Variants in FMNL2 observed in about 807,000 individuals in gnomAD.
The protein encoded by FMNL2 is formin-like protein 2.
Under a neutral mutation model 130.2 loss-of-function variants are expected in FMNL2, and 51 were observed. The ratio of observed to expected loss-of-function variants is 0.39; its 90% CI spans 0.31 to 0.49. The LOEUF (loss-of-function observed/expected upper bound fraction) is 0.49, where lower values mean the gene tolerates loss of function less well. FMNL2 is among the 20% of genes least tolerant of loss of function. The pLI is 0.85. For synonymous variants in FMNL2, 465 were observed against 467.1 expected (o/e 1.00, Z 0.06); for missense variants, 977 against 1,316.2 (o/e 0.74, Z 3.99).
At position 152,413,084 on chromosome 2, in the gene FMNL2, A is replaced by C. The variant is rs191639251; in HGVS notation, c.117+77364A>C. Among the ~76,000 whole-genome samples, 3 of 152,280 alleles carry C rather than the reference A, an allele frequency of 2.0e-5. No homozygotes were observed. The East Asian group carries it at 5.8e-4, about 29-fold the overall frequency. On this transcript the variant is annotated intron_variant, in intron 1 of 25. Coordinates refer to ENST00000288670, the MANE Select transcript of FMNL2 (RefSeq NM_052905.4). ...TTATCTTCCTCATCTTAAAAAGTTA[A>C]CAGATATAAAACATAAAAGATATCA... is the stretch of plus-strand genomic sequence containing the variant.
intron 6 of FMNL2, among the ~76,000 whole-genome samples, chr2:152,568,223 T>TTTTTTTTTTGTTTGTTTTTTG (rs11275578): frequency 2.3e-4 from 30 of 132,304 alleles, no homozygotes; most frequent in African/African-American, 8.4e-4. Context: ...GGTGGGTTTT[T>TTTTTTTTTTGTTTGTTTTTTG]TTTTTTTTTT....
In FMNL2 at chr2:152,589,831, T is replaced by C. The variant is rs533507509; in HGVS notation, c.876+8782T>C. 1.9e-3 allele frequency among the ~76,000 whole-genome samples: 286 copies of C among 151,254 alleles called. 1 individual carries two copies. The highest frequency in any genetic ancestry group is 6.8e-3 in the African/African-American group (281 of 41,248). ...TTCCTGTGTAAAGGAGCTGCTTCCC[T>C]GCTCTTCTACTCCCTCACTCCTGGA... On this transcript the variant is annotated intron_variant, in intron 9 of 25. Transcript: ENST00000288670.
intron 16 of FMNL2, among the ~76,000 whole-genome samples, chr2:152,625,821 T>C (rs1169089104): frequency 1.3e-5 from 2 of 152,150 alleles, no homozygotes; most frequent in African/African-American, 4.8e-5. Context: ...AATATAGATC[T>C]GACATAATAA....
At chr2:152,367,074 T>TGTG (rs70974856) in intron 1 of FMNL2, among the ~76,000 whole-genome samples, 86 of 82,020 alleles carry the variant, frequency 1.0e-3, no homozygotes, top group East Asian at 4.5e-3. Context: ...TGTGTGTGTG[T>TGTG]TTGTTTTTTT....
At chr2:152,425,931 AG>A (rs1264241085) in intron 1 of FMNL2, among the ~76,000 whole-genome samples, 7 of 152,200 alleles carry the variant, frequency 4.6e-5, no homozygotes, top group African/African-American at 1.7e-4. Flanking sequence ...AGAGGGTTGC[AG>A]GACCTTTTAG....
chr2:152,417,611 A>G (rs1686684863), intron 1 of FMNL2, among the ~76,000 whole-genome samples: 1 of 152,158 alleles, frequency 6.6e-6, no homozygotes, highest in African/African-American at 2.4e-5. Context: ...TTTCGAGGCA[A>G]AAGATCAGAA....
chr2:152,598,094 G>A (rs1165655096), intron 9 of FMNL2, among the ~76,000 whole-genome samples: 1 of 152,190 alleles, frequency 6.6e-6, no homozygotes, highest in African/African-American at 2.4e-5. Context: ...GGAGAGCATG[G>A]GCTGATAGCT....
chr2:152,618,753 CTT>C (rs1559013832), intron 13 of FMNL2, 91 bp from the exon 14 acceptor site: 1 of 1,136,032 alleles, frequency 8.8e-7, no homozygotes. Flanking sequence ...ATATGAGTAT[CTT>C]TTTTTCTCTT....
chr2:152,425,021 T>C (rs559726176), intron 1 of FMNL2, among the ~76,000 whole-genome samples: 1 of 152,334 alleles, frequency 6.6e-6, no homozygotes, highest in South Asian at 2.1e-4. Context: ...GTTCTAGTTG[T>C]AAACTGGAAG....
At chr2:152,588,758 G>T (rs1055488447) in intron 9 of FMNL2, among the ~76,000 whole-genome samples, 1 of 152,158 alleles carries the variant, frequency 6.6e-6, no homozygotes, top group African/African-American at 2.4e-5. Context: ...ATTAAAGGGA[G>T]ATCAGAAAAG....
At chr2:152,392,325 A>G (rs1685159974) in intron 1 of FMNL2, among the ~76,000 whole-genome samples, 1 of 152,078 alleles carries the variant, frequency 6.6e-6, no homozygotes, top group African/African-American at 2.4e-5. Context: ...CCCCCCACTC[A>G]TCACAGTGGG....
chr2:152,535,870 A>G (rs545516531), intron 2 of FMNL2, among the ~76,000 whole-genome samples: 1 of 152,336 alleles, frequency 6.6e-6, no homozygotes, highest in East Asian at 1.9e-4. Flanking sequence ...GTCCTCTCCT[A>G]TCTCACCATC....
chr2:152,359,203 A>G (rs773280578), intron 1 of FMNL2, among the ~76,000 whole-genome samples: 1 of 152,234 alleles, frequency 6.6e-6, no homozygotes, highest in Non-Finnish European at 1.5e-5. Context: ...GTTTGTGGAA[A>G]GCTTAATATA....
At chr2:152,397,576 G>T (rs953916666) in intron 1 of FMNL2, among the ~76,000 whole-genome samples, 14 of 152,146 alleles carry the variant, frequency 9.2e-5, no homozygotes, top group Admixed American at 6.5e-4. Context: ...GAGTTTCCTG[G>T]CTAAGACAGG....
At chr2:152,444,371 A>G (rs1688228222) in intron 1 of FMNL2, among the ~76,000 whole-genome samples, 1 of 152,206 alleles carries the variant, frequency 6.6e-6, no homozygotes, top group Non-Finnish European at 1.5e-5. Flanking sequence ...CTATCCCACA[A>G]GAACCAGCTT....
intron 1 of FMNL2, among the ~76,000 whole-genome samples, chr2:152,398,124 C>A (rs553051889): frequency 6.6e-6 from 1 of 151,842 alleles, no homozygotes; most frequent in Admixed American, 6.6e-5. Context: ...GACTCCATCT[C>A]GAAAAAAAAT....
intron 1 of FMNL2, among the ~76,000 whole-genome samples, chr2:152,407,726 A>AG (rs1388736705): frequency 6.6e-6 from 1 of 152,196 alleles, no homozygotes; most frequent in Non-Finnish European, 1.5e-5. Context: ...GGCCTGGGTC[A>AG]GGCTTGTTTG....
chr2:152,502,124 G>C (rs1691874947), intron 1 of FMNL2, among the ~76,000 whole-genome samples: 1 of 152,164 alleles, frequency 6.6e-6, no homozygotes, highest in Non-Finnish European at 1.5e-5. Flanking sequence ...GTTATTTTGG[G>C]CGAGGTGGCG....
chr2:152,441,643 C>T (rs147689266), intron 1 of FMNL2, among the ~76,000 whole-genome samples: 9,186 of 152,094 alleles, frequency 0.06, 537 homozygotes, highest in Admixed American at 0.21. Context: ...TCGAGAGCAG[C>T]TTGACCAACA....
Sources: gnomAD v4.1 joint callset for allele counts (sites outside exome capture counted in the v4.1 genomes callset) on GRCh38, gnomAD v4.1.1 for gene constraint, MANE v1.5 for transcripts, NCBI Gene and HGNC (gene_info 2026-07-23, HGNC 2026-07-21) for gene names.